Variants in CORO2B observed in about 807,000 individuals in gnomAD.
The protein encoded by CORO2B is coronin-2B.
In CORO2B, 26 loss-of-function variants were observed where a neutral mutation model predicts 58.8. The observed-to-expected ratio is 0.44, with a 90% CI of 0.32 to 0.61. CORO2B has a LOEUF of 0.61. CORO2B is among the 20% of genes least tolerant of loss of function. The pLI, the probability that CORO2B is intolerant of heterozygous loss-of-function variation, is 0.04. For missense variants in CORO2B, 460 were observed against 645.1 expected, an observed-to-expected ratio of 0.71 and a Z score of 3.11; for synonymous variants, 242 against 253.8, an observed-to-expected ratio of 0.95 and a Z score of 0.44.
At chr15:68,695,610 G>A (rs1171533595) in intron 3 of CORO2B, among the ~76,000 whole-genome samples, 1 of 152,158 alleles carries the variant, frequency 6.6e-6, no homozygotes, top group East Asian at 1.9e-4. Context: ...GAAAAGGAAG[G>A]AACTGGATGG....
chr15:68,626,043 A>C (rs1342710946), intron 1 of CORO2B, among the ~76,000 whole-genome samples: 1 of 152,216 alleles, frequency 6.6e-6, no homozygotes, highest in Non-Finnish European at 1.5e-5. Flanking sequence ...TCTAGCTTTC[A>C]TCCAGAAATG....
chr15:68,566,078 C>A, the CORO2B span, among the ~76,000 whole-genome samples: 9 of 152,216 alleles, frequency 5.9e-5, no homozygotes, highest in East Asian at 1.9e-4. Context: ...CTTCCCCATG[C>A]CTGCGTGCCC....
At chr15:68,642,140 A>G (rs564343218) in intron 1 of CORO2B, among the ~76,000 whole-genome samples, 5 of 148,876 alleles carry the variant, frequency 3.4e-5, no homozygotes, top group African/African-American at 1.2e-4. Flanking sequence ...GGGTTCAAGC[A>G]ATTCTCCTGC....
intron 1 of CORO2B, among the ~76,000 whole-genome samples, chr15:68,606,888 C>T (rs750673447): frequency 2.8e-4 from 42 of 152,118 alleles, no homozygotes; most frequent in East Asian, 3.8e-4. Flanking sequence ...GCAGGCACTT[C>T]GTAGGTGCTC....
chr15:68,601,701 G>A (rs761833208), intron 1 of CORO2B, among the ~76,000 whole-genome samples: 12 of 152,240 alleles, frequency 7.9e-5, no homozygotes, highest in South Asian at 4.1e-4. Flanking sequence ...TGCGAAGGCC[G>A]GAGAAGAAAT....
chr15:68,545,611 GC>G, the CORO2B span, among the ~76,000 whole-genome samples: 20,854 of 65,452 alleles, frequency 0.32, 3,370 homozygotes, highest in East Asian at 0.53. Context: ...AATGCGGGGG[GC>G]GGGGGGGGTA....
At chr15:68,579,437 G>T (rs73440291) in intron 1 of CORO2B, among the ~76,000 whole-genome samples, 160 bp downstream of exon 1, 1,672 of 152,050 alleles carry the variant, frequency 0.011, 43 homozygotes, top group African/African-American at 0.038. Flanking sequence ...GAGTCACTCC[G>T]GCCCCCAAGG....
chr15:68,554,863 A>G, the CORO2B span, among the ~76,000 whole-genome samples: 1 of 146,820 alleles, frequency 6.8e-6, no homozygotes, highest in Non-Finnish European at 1.5e-5. Context: ...GGCCAGGGTC[A>G]GAAAAGGCCA....
intron 1 of CORO2B, 111 bp downstream of exon 1, chr15:68,579,388 A>G: frequency 9.6e-7 from 1 of 1,046,702 alleles, no homozygotes; most frequent in Non-Finnish European, 1.2e-6. Context: ...CGGTGCCGGG[A>G]AGGTGCGGCG....
Position 68,710,897 on chromosome 15 carries a change from G to A in CORO2B, c.483+16G>A. 2 of 1,582,706 alleles carry A rather than the reference G, an allele frequency of 1.3e-6. No individual in the cohort carries two copies. Among genetic ancestry groups the A allele is most frequent in the East Asian group, 2.3e-5 (1 of 43,904 alleles). On this transcript the variant is annotated intron_variant, in intron 4 of 11. Coordinates refer to ENST00000261861, the MANE Select transcript of CORO2B (RefSeq NM_006091.5). The surrounding 1 kb of genome is among the most constrained non-coding windows in gnomAD (Gnocchi z 4.1). The stretch of plus-strand genomic sequence containing the variant: ...CGACTACAAGGTATGCAGTGGGCAG[G>A]CAGCTGGGTGGAGAGGGATTGGGGA...
chr15:68,621,047 C>T (rs566976930), intron 1 of CORO2B, among the ~76,000 whole-genome samples: 1 of 152,322 alleles, frequency 6.6e-6, no homozygotes, highest in South Asian at 2.1e-4. Context: ...TGCTGATTAA[C>T]GGGTGTGTTA....
chr15:68,658,468 C>T (rs1400391942), intron 2 of CORO2B, among the ~76,000 whole-genome samples: 8 of 152,322 alleles, frequency 5.3e-5, no homozygotes, highest in South Asian at 4.1e-4. Flanking sequence ...TGGGTAGAAG[C>T]GGGAGGGGCT....
At chr15:68,647,654 A>C (rs1356547430) in intron 2 of CORO2B, among the ~76,000 whole-genome samples, 2 of 146,486 alleles carry the variant, frequency 1.4e-5, no homozygotes, top group Non-Finnish European at 3.0e-5. Context: ...GTGCCATTGC[A>C]CTCCAGCCTG....
chr15:68,725,756 C>T (rs1466178009), intron 11 of CORO2B, 87 bp from the exon 12 acceptor site: 4 of 1,553,432 alleles, frequency 2.6e-6, no homozygotes, highest in African/African-American at 1.4e-5. Flanking sequence ...GCACGGGCGG[C>T]AGGCAGCTGG....
At chr15:68,526,838 G>T in the CORO2B span, among the ~76,000 whole-genome samples, 1 of 152,102 alleles carries the variant, frequency 6.6e-6, no homozygotes, top group Non-Finnish European at 1.5e-5. Flanking sequence ...TTCTGTTTTC[G>T]ACAGAATCAT....
rs529974014 is a variant in CORO2B at position 68,592,342 on chromosome 15, AC to A, written c.15+13067del. 1.5e-3 allele frequency among the ~76,000 whole-genome samples: 222 copies of A among 151,896 alleles called. 1 individual carries two copies. The highest frequency in any genetic ancestry group is 5.2e-3 in the African/African-American group (215 of 41,388). ...CTTTCATGTCTCTTGGATATACCCC[AC>A]CTGTGCTTGTTCTGTCTATTTCATT... On this transcript the variant is annotated intron_variant, in intron 1 of 11. Transcript: ENST00000261861.
intron 1 of CORO2B, among the ~76,000 whole-genome samples, chr15:68,641,970 C>G (rs1901259322): frequency 6.6e-6 from 1 of 151,222 alleles, no homozygotes; most frequent in African/African-American, 2.4e-5. Flanking sequence ...TTCAAGCGAT[C>G]TGTCCGCCTC....
At chr15:68,597,376 G>C (rs553175432) in intron 1 of CORO2B, among the ~76,000 whole-genome samples, 1 of 152,076 alleles carries the variant, frequency 6.6e-6, no homozygotes, top group Admixed American at 6.5e-5. Flanking sequence ...TGTTTTACAC[G>C]CACCTCATAT....
intron 1 of CORO2B, among the ~76,000 whole-genome samples, chr15:68,631,754 G>A (rs548989364): frequency 1.2e-4 from 18 of 152,310 alleles, no homozygotes; most frequent in African/African-American, 4.1e-4. Flanking sequence ...AGGTCCCTGG[G>A]GATGGGATGG....
Sources: allele counts gnomAD v4.1 joint callset (sites outside exome capture counted in the v4.1 genomes callset), GRCh38; gene constraint gnomAD v4.1.1; non-coding constraint Gnocchi (gnomAD v3.1); transcripts MANE v1.5; gene names NCBI Gene and HGNC (gene_info 2026-07-23, HGNC 2026-07-21).